The following SLC5A11 variants were observed in gnomAD, a reference collection of about 807,000 sequenced individuals.
The protein encoded by SLC5A11 is sodium/myo-inositol cotransporter 2.
Under a neutral mutation model 69.8 loss-of-function variants are expected in SLC5A11, and 48 were observed. The ratio of observed to expected loss-of-function variants is 0.69; its 90% CI spans 0.55 to 0.87. The LOEUF is 0.87. SLC5A11 is among the 40% of genes least tolerant of loss of function. The probability of loss-of-function intolerance (pLI) is 0.00; values close to 1 mark genes in which losing one functional copy is unlikely to be tolerated. For missense variants in SLC5A11, 784 were observed against 866.1 expected, an observed-to-expected ratio of 0.91 and a Z score of 1.19; for synonymous variants, 319 against 342.4, an observed-to-expected ratio of 0.93 and a Z score of 0.75.
At chr16:24,881,834 C>T (rs1036827353) in intron 7 of SLC5A11, among the ~76,000 whole-genome samples, 1 of 126,342 alleles carries the variant, frequency 7.9e-6, no homozygotes. Flanking sequence ...CTGTGCTAAG[C>T]AGCAACCCTG....
At chr16:24,884,759 G>A (rs2081780553) in intron 8 of SLC5A11, among the ~76,000 whole-genome samples, 3 of 151,336 alleles carry the variant, frequency 2.0e-5, no homozygotes, top group East Asian at 1.9e-4. Context: ...TGTTTGTTTC[G>A]AGACAGGGTA....
intron 9 of SLC5A11, among the ~76,000 whole-genome samples, chr16:24,891,947 A>G (rs1456308130): frequency 6.6e-6 from 1 of 151,102 alleles, no homozygotes; most frequent in African/African-American, 2.4e-5. Context: ...GCAATTTAAA[A>G]TGGGGTGACA....
intron 5 of SLC5A11, among the ~76,000 whole-genome samples, chr16:24,874,504 A>G (rs2047540305): frequency 6.6e-6 from 1 of 152,162 alleles, no homozygotes. Context: ...TACATTTTAT[A>G]TTCTCCAACT....
intron 8 of SLC5A11, among the ~76,000 whole-genome samples, chr16:24,886,789 A>G (rs926380154): frequency 1.3e-5 from 2 of 152,158 alleles, no homozygotes; most frequent in Admixed American, 1.3e-4. Flanking sequence ...CTCTATGAAA[A>G]ATGGAAAATT....
Position 24,872,106 on chromosome 16 carries a change from TG to T in SLC5A11, c.313-51del, listed in dbSNP as rs2047340582. Reference sequence around the variant, plus strand: ...CTCAGGGCGCAGAGGGAAATCCAAATGGGTACCTTGTTGTGAGCTGGGGGCC... The same window carrying T: ...CTCAGGGCGCAGAGGGAAATCCAAATGGTACCTTGTTGTGAGCTGGGGGCC... On this transcript the variant is annotated intron_variant, in intron 4 of 15. Coordinates refer to ENST00000347898, the Ensembl canonical transcript of SLC5A11. The T allele has an allele frequency of 6.8e-6, 11 of 1,610,670 alleles. No individual in the cohort carries two copies. In the South Asian group the frequency reaches 1.2e-4, roughly 18 times the overall value.
At chr16:24,873,768 A>T (rs1469536164) in intron 5 of SLC5A11, among the ~76,000 whole-genome samples, 1 of 151,644 alleles carries the variant, frequency 6.6e-6, no homozygotes, top group Non-Finnish European at 1.5e-5. Context: ...TGAACAATGC[A>T]GTTGAATTTT....
chr16:24,868,048 A>G (rs1355078606), intron 3 of SLC5A11, among the ~76,000 whole-genome samples: 1 of 151,854 alleles, frequency 6.6e-6, no homozygotes, highest in Non-Finnish European at 1.5e-5. Flanking sequence ...GAGATAGGAG[A>G]ATCACTTGAA....
chr16:24,901,822 C>T (rs1199437334), intron 10 of SLC5A11, among the ~76,000 whole-genome samples: 5 of 151,424 alleles, frequency 3.3e-5, no homozygotes, highest in African/African-American at 4.9e-5. Flanking sequence ...CAGTGGCTCA[C>T]GCCTGTAATC....
chr16:24,856,326 G>A (rs1202691656), intron 1 of SLC5A11, among the ~76,000 whole-genome samples: 6 of 152,086 alleles, frequency 3.9e-5, no homozygotes, highest in African/African-American at 1.4e-4. Flanking sequence ...AAAAGTGTTG[G>A]AGTTTTTTCT....
At chr16:24,889,352 C>T (rs928870318) in intron 8 of SLC5A11, among the ~76,000 whole-genome samples, 13 of 151,854 alleles carry the variant, frequency 8.6e-5, no homozygotes, top group African/African-American at 3.1e-4. Flanking sequence ...TGTGGTGGTA[C>T]ATGCCTGTAG....
chr16:24,881,818 G>A (rs1232349292), intron 7 of SLC5A11, among the ~76,000 whole-genome samples: 1 of 147,444 alleles, frequency 6.8e-6, no homozygotes. Context: ...ATGGCACCCC[G>A]TGGCACTGTG....
At chr16:24,886,365 G>A (rs1259562687) in intron 8 of SLC5A11, among the ~76,000 whole-genome samples, 1 of 147,476 alleles carries the variant, frequency 6.8e-6, no homozygotes, top group African/African-American at 2.4e-5. Context: ...AAAATGCAGA[G>A]AAAAGGGATA....
At chr16:24,886,374 T>C (rs1351050937) in intron 8 of SLC5A11, among the ~76,000 whole-genome samples, 2 of 132,722 alleles carry the variant, frequency 1.5e-5, no homozygotes. Context: ...AGAAAAGGGA[T>C]AAATAATAAA....
chr16:24,902,973 A>G (rs2049756837), intron 10 of SLC5A11, among the ~76,000 whole-genome samples: 1 of 152,212 alleles, frequency 6.6e-6, no homozygotes, highest in Non-Finnish European at 1.5e-5. Flanking sequence ...GATACAAGCA[A>G]GAGGTGCAAA....
At chr16:24,875,708 A>G (rs2047626938) in exon 6 of SLC5A11, 1 of 1,613,598 alleles carries the variant, frequency 6.2e-7, no homozygotes, top group Non-Finnish European at 8.5e-7. Flanking sequence ...CTACCTATTT[A>G]TCTACATCTT....
rs758120207 is a variant in SLC5A11 at position 24,858,603 on chromosome 16, C to T, written c.-24-17C>T. The T allele has an allele frequency of 3.8e-6, 6 of 1,579,464 alleles. No individual in the cohort carries two copies. The African/African-American group carries it at 4.0e-5, about 11-fold the overall frequency. ...ATGCTAGGATCTGGCATTTGACTGG[C>T]ATTTGCCCTTCCTCAGGATCCAGAG... On this transcript the variant is annotated splice_polypyrimidine_tract_variant and intron_variant, in intron 1 of 15. Coordinates refer to ENST00000347898, the Ensembl canonical transcript of SLC5A11.
exon 13 of SLC5A11, chr16:24,908,042 A>G (rs780753824): frequency 1.2e-6 from 2 of 1,613,356 alleles, no homozygotes; most frequent in African/African-American, 2.7e-5. Flanking sequence ...CCAGCTCTTC[A>G]TCTATATCCA....
chr16:24,861,810 A>G (rs367935703), intron 2 of SLC5A11, among the ~76,000 whole-genome samples: 6 of 148,606 alleles, frequency 4.0e-5, no homozygotes, highest in Non-Finnish European at 7.4e-5. Flanking sequence ...AAGAAAAGAA[A>G]AAAGAAAGAA....
At chr16:24,907,042 A>G (rs2050120590) in exon 12 of SLC5A11, 1 of 1,613,918 alleles carries the variant, frequency 6.2e-7, no homozygotes, top group African/African-American at 1.3e-5. Context: ...TGGGCTGATG[A>G]TGGCTGTGAT....
Sources: allele counts gnomAD v4.1 joint callset (sites outside exome capture counted in the v4.1 genomes callset), GRCh38; gene constraint gnomAD v4.1.1; transcripts MANE v1.5; gene names NCBI Gene and HGNC (gene_info 2026-07-23, HGNC 2026-07-21).